DYNC2H1: variants seen among roughly 807,000 people sequenced by gnomAD.
DYNC2H1 encodes cytoplasmic dynein 2 heavy chain 1.
Under a neutral mutation model 570.0 loss-of-function variants are expected in DYNC2H1, and 410 were observed. The ratio of observed to expected loss-of-function variants is 0.72; its 90% CI spans 0.66 to 0.78. DYNC2H1 has a LOEUF of 0.78. Ranked by LOEUF, DYNC2H1 falls within the 30% of genes least tolerant of loss-of-function variation. The probability of loss-of-function intolerance (pLI) is 0.00; values close to 1 mark genes in which losing one functional copy is unlikely to be tolerated. For synonymous variants in DYNC2H1, 1,688 were observed against 1,677.6 expected (o/e 1.01, Z -0.15); for missense variants, 4,865 against 5,046.4 (o/e 0.96, Z 1.09).
At chr11:103,457,836 A>G (rs1168341252) in intron 87 of DYNC2H1, among the ~76,000 whole-genome samples, 1 of 152,166 alleles carries the variant, frequency 6.6e-6, no homozygotes, top group African/African-American at 2.4e-5. Context: ...TTCCATTCAT[A>G]TAGTTCTAGT....
intron 88 of DYNC2H1, among the ~76,000 whole-genome samples, chr11:103,473,390 T>C (rs1945454202): frequency 6.6e-6 from 1 of 151,214 alleles, no homozygotes; most frequent in Admixed American, 6.6e-5. Flanking sequence ...TCCAGTTCGG[T>C]GCAGTATTTT....
Position 103,114,193 on chromosome 11 carries a change from G to T in DYNC2H1, c.457G>T (p.Asp153Tyr), listed in dbSNP as rs1349041531. Residue 153 changes from aspartate to tyrosine, a missense_variant, in exon 3 of 89, where the codon GAC (aspartate) becomes TAC (tyrosine). Coordinates refer to ENST00000375735, the MANE Select transcript of DYNC2H1 (RefSeq NM_001377.3). Reference protein sequence around the residue: ...AGLGIVLRRSDTNLTKLKFKE... With the variant: ...AGLGIVLRRSYTNLTKLKFKE... ...GTTGGGTATAGTTCTACGAAGATCA[G>T]ACACTAACTTAACAAAATTGAAATT... The T allele has an allele frequency of 1.2e-6, 2 of 1,601,620 alleles. No individual in the cohort carries two copies.
At chr11:103,309,310 A>G (rs2135410102) in intron 78 of DYNC2H1, among the ~76,000 whole-genome samples, 1 of 149,674 alleles carries the variant, frequency 6.7e-6, no homozygotes, top group Non-Finnish European at 1.5e-5. Flanking sequence ...GAGTAGGTGG[A>G]ATTACAGGTG....
At chr11:103,344,332 A>G (rs2135493238) in intron 82 of DYNC2H1, among the ~76,000 whole-genome samples, 1 of 152,342 alleles carries the variant, frequency 6.6e-6, no homozygotes, top group Admixed American at 6.5e-5. Flanking sequence ...TAACAGAAAT[A>G]GTCGTTTTTC....
At chr11:103,447,615 T>C (rs763393656) in intron 85 of DYNC2H1, among the ~76,000 whole-genome samples, 2 of 152,210 alleles carry the variant, frequency 1.3e-5, no homozygotes, top group Non-Finnish European at 2.9e-5. Flanking sequence ...TCATAGAAGT[T>C]ACTTTGTCCC....
chr11:103,339,804 A>G (rs1034948928), intron 82 of DYNC2H1, among the ~76,000 whole-genome samples: 1 of 152,156 alleles, frequency 6.6e-6, no homozygotes, highest in Non-Finnish European at 1.5e-5. Flanking sequence ...ACTTTATTCC[A>G]TAGTTGCTGA....
In DYNC2H1 at chr11:103,280,494, AT is replaced by A; in HGVS notation, c.10761+84del. 8.2e-7 allele frequency: 1 copy of A among 1,214,018 alleles called. No individual in the cohort carries two copies. Among genetic ancestry groups the A allele is most frequent in the Non-Finnish European group, 1.2e-6 (1 of 847,462 alleles). 75.2% of individuals were successfully genotyped at this position (1,214,018 alleles called of 1,614,324 possible). On this transcript the variant is annotated intron_variant, in intron 71 of 88. Coordinates refer to ENST00000375735, the MANE Select transcript of DYNC2H1 (RefSeq NM_001377.3). The surrounding 1 kb of genome is among the most constrained non-coding windows in gnomAD (Gnocchi z 4.7). The stretch of plus-strand genomic sequence containing the variant: ...TGGATTTATGTTTAGATTAGAAATT[AT>A]TTAGGCTAGAAATTATATATCAACC...
At position 103,447,933 on chromosome 11, in the gene DYNC2H1, A is replaced by AT. The variant is rs539841220; in HGVS notation, c.12457-7245dup. 1.8e-4 allele frequency among the ~76,000 whole-genome samples: 27 copies of AT among 152,026 alleles called. No individual in the cohort carries two copies. The East Asian group carries it at 2.7e-3, about 15-fold the overall frequency. On this transcript the variant is annotated intron_variant, in intron 85 of 88. Coordinates refer to ENST00000375735, the MANE Select transcript of DYNC2H1 (RefSeq NM_001377.3). ...ACAAGGTAGGACCCAAAATACTAGGATTTTTTTTATGTTATTTGCAACTCT... is the reference window on the plus strand; with the variant it reads ...ACAAGGTAGGACCCAAAATACTAGGATTTTTTTTTATGTTATTTGCAACTCT...
intron 30 of DYNC2H1, among the ~76,000 whole-genome samples, chr11:103,165,640 T>C (rs944445915): frequency 6.6e-6 from 1 of 152,186 alleles, no homozygotes; most frequent in Non-Finnish European, 1.5e-5. Context: ...ATAAACATAG[T>C]GGGTTATAGG....
chr11:103,283,097 C>T lies in DYNC2H1; in HGVS notation c.10890+12C>T. On this transcript the variant is annotated intron_variant, in intron 73 of 88. Coordinates refer to ENST00000375735, the MANE Select transcript of DYNC2H1 (RefSeq NM_001377.3). ...TGGCAACATTAAAGGTATTCCTTTT[C>T]TACTATGAGACATGTTTTAATTTCT... 1 of 1,589,908 alleles carries T rather than the reference C, an allele frequency of 6.3e-7. No homozygotes were observed. The highest frequency in any genetic ancestry group is 8.6e-7 in the Non-Finnish European group (1 of 1,162,674).
rs544783046 is a variant in DYNC2H1, at chr11:103,441,040, A to G, written c.12456+5008A>G. Among the ~76,000 whole-genome samples, 544 of 152,244 alleles carry G rather than the reference A, an allele frequency of 3.6e-3. 4 individuals are homozygous for G. Among genetic ancestry groups the G allele is most frequent in the Middle Eastern group, 0.017 (5 of 294 alleles). Reference sequence around the variant, plus strand: ...TCACTCTTCTCTTGGAAATATCCCCATGACTAGTCATCTTGAGTATCAAAA... The same window carrying G: ...TCACTCTTCTCTTGGAAATATCCCCGTGACTAGTCATCTTGAGTATCAAAA... On this transcript the variant is annotated intron_variant, in intron 85 of 88. Coordinates refer to ENST00000375735, the MANE Select transcript of DYNC2H1 (RefSeq NM_001377.3).
rs1223251426 is a variant in DYNC2H1 at position 103,399,878 on chromosome 11, C to T, written c.12366+6C>T. 2.5e-6 allele frequency: 4 copies of T among 1,606,856 alleles called. No individual in the cohort carries two copies. The highest frequency in any genetic ancestry group is 2.7e-5 in the African/African-American group (2 of 74,718). On this transcript the variant is annotated splice_donor_region_variant and intron_variant, in intron 84 of 88. Coordinates refer to ENST00000375735, the MANE Select transcript of DYNC2H1 (RefSeq NM_001377.3). ...GTGCTTTATTAAACCAAAAGGTAAG[C>T]GAGTACTAACTGTATGTATTTTTAT...
chr11:103,410,850 C>G (rs1198878809), intron 84 of DYNC2H1, among the ~76,000 whole-genome samples: 1 of 152,030 alleles, frequency 6.6e-6, no homozygotes, highest in Non-Finnish European at 1.5e-5. Context: ...ATTGACCAAC[C>G]CTATATATCA....
At chr11:103,212,087 C>A in intron 54 of DYNC2H1, 144 bp downstream of exon 54, 1 of 1,054,618 alleles carries the variant, frequency 9.5e-7, no homozygotes, top group South Asian at 4.3e-5. Context: ...TCTCACTTTC[C>A]TACCTATATT....
chr11:103,471,556 AG>A (rs955581289), intron 88 of DYNC2H1, among the ~76,000 whole-genome samples: 1 of 152,220 alleles, frequency 6.6e-6, no homozygotes, highest in African/African-American at 2.4e-5. Flanking sequence ...GTGTGTGTAA[AG>A]TACCTAGCAC....
intron 6 of DYNC2H1, among the ~76,000 whole-genome samples, chr11:103,118,312 C>T (rs1308423721): frequency 6.6e-6 from 1 of 151,800 alleles, no homozygotes; most frequent in Non-Finnish European, 1.5e-5. Flanking sequence ...ACTGACCATT[C>T]CTGCCTTGCT....
At chr11:103,265,398 G>A (rs1255107165) in intron 70 of DYNC2H1, among the ~76,000 whole-genome samples, 1 of 147,034 alleles carries the variant, frequency 6.8e-6, no homozygotes, top group Non-Finnish European at 1.5e-5. Context: ...AGAAAAGAAA[G>A]ATAGTCTTCA....
intron 82 of DYNC2H1, among the ~76,000 whole-genome samples, chr11:103,357,076 AAC>A (rs1940383191): frequency 6.6e-6 from 1 of 152,198 alleles, no homozygotes; most frequent in African/African-American, 2.4e-5. Context: ...TAATATGAAA[AAC>A]AATATATACA....
chr11:103,324,036 C>G lies in DYNC2H1; in HGVS notation c.12039+46C>G. On this transcript the variant is annotated intron_variant, in intron 82 of 88. Coordinates refer to ENST00000375735, the MANE Select transcript of DYNC2H1 (RefSeq NM_001377.3). This position sits in a 1 kb window ranked among gnomAD's most constrained non-coding sequence, Gnocchi z 5.2. Reference sequence around the variant, plus strand: ...ACCTTCAAAAAAAGTTGCTAGTGAGCCTGAAGGAGACAAAATTAAACTTGA... The same window carrying G: ...ACCTTCAAAAAAAGTTGCTAGTGAGGCTGAAGGAGACAAAATTAAACTTGA... The G allele has an allele frequency of 7.0e-7, 1 of 1,425,564 alleles. No homozygotes were observed. 88.3% of individuals were successfully genotyped at this position (1,425,564 alleles called of 1,614,324 possible). A position where few individuals can be genotyped will look rare whatever the true frequency, so the allele number is the denominator to read the frequency against.
Sources: allele counts gnomAD v4.1 joint callset (sites outside exome capture counted in the v4.1 genomes callset), GRCh38; gene constraint gnomAD v4.1.1; non-coding constraint Gnocchi (gnomAD v3.1); transcripts MANE v1.5; gene names NCBI Gene and HGNC (gene_info 2026-07-23, HGNC 2026-07-21).